Variants in HERC3 observed in about 807,000 individuals in gnomAD.
The protein encoded by HERC3 is probable E3 ubiquitin-protein ligase HERC3.
Under a neutral mutation model 129.9 loss-of-function variants are expected in HERC3, and 58 were observed. The observed-to-expected ratio is 0.45, with a 90% CI of 0.36 to 0.56. The LOEUF (loss-of-function observed/expected upper bound fraction) is 0.56, where lower values mean the gene tolerates loss of function less well. HERC3 is among the 20% of genes least tolerant of loss of function. The pLI, the probability that HERC3 is intolerant of heterozygous loss-of-function variation, is 0.00. For missense variants in HERC3, 835 were observed against 1,244.2 expected (o/e 0.67, Z 4.95); for synonymous variants, 430 against 451.0 (o/e 0.95, Z 0.59).
Position 88,699,308 on chromosome 4 carries a change from C to T in HERC3, c.2658-4790C>T, listed in dbSNP as rs1196231386. ...TCTTCCCCACCCACCCACCCAGCCC[C>T]ACCCTCTTCCTCCCCACCCACCCAC... On this transcript the variant is annotated intron_variant, in intron 23 of 25. Transcript: ENST00000402738. Among the ~76,000 whole-genome samples, 127 of 49,730 alleles carry T rather than the reference C, an allele frequency of 2.6e-3. 7 individuals carry two copies. The highest frequency in any genetic ancestry group is 0.023 in the Admixed American group (107 of 4,616). The allele number at this position is 49,730 out of a possible 152,430, so 32.6% of individuals were successfully genotyped here. A position where few individuals can be genotyped will look rare whatever the true frequency, so the allele number is the denominator to read the frequency against.
At chr4:88,594,996 G>A (rs1722185748) in intron 1 of HERC3, among the ~76,000 whole-genome samples, 1 of 151,468 alleles carries the variant, frequency 6.6e-6, no homozygotes, top group African/African-American at 2.4e-5. Context: ...CAGCTACTTG[G>A]GAGGCTGAGG....
intron 5 of HERC3, 81 bp downstream of exon 5, chr4:88,652,169 A>G (rs1160993287): frequency 3.5e-5 from 38 of 1,101,284 alleles, no homozygotes; most frequent in South Asian, 2.6e-4. Context: ...ATATTATCTA[A>G]CTGAAAACTT....
chr4:88,650,024 C>A lies in HERC3; in HGVS notation c.386+25C>A. The stretch of plus-strand genomic sequence containing the variant: ...GGTAAGAAGGTTTTCAAATGTCAGT[C>A]GTTTTAAATGCTATTTCCTGCTGTT... On this transcript the variant is annotated intron_variant, in intron 4 of 25. Transcript: ENST00000402738. The A allele has an allele frequency of 2.5e-6, 4 of 1,598,072 alleles. No individual in the cohort carries two copies. The South Asian group carries it at 4.5e-5, about 18-fold the overall frequency.
At chr4:88,651,506 A>T (rs535767121) in intron 4 of HERC3, among the ~76,000 whole-genome samples, 7 of 152,288 alleles carry the variant, frequency 4.6e-5, no homozygotes, top group African/African-American at 1.7e-4. Context: ...TGTACCTTAC[A>T]GGGTTATGGG....
intron 3 of HERC3, among the ~76,000 whole-genome samples, chr4:88,619,104 TC>T (rs1725235228): frequency 6.6e-6 from 1 of 152,206 alleles, no homozygotes. Context: ...TGCTCTGTGT[TC>T]CTTCCTGTGG....
the HERC3 span, among the ~76,000 whole-genome samples, chr4:88,562,620 T>A: frequency 6.6e-6 from 1 of 151,944 alleles, no homozygotes; most frequent in African/African-American, 2.4e-5. Flanking sequence ...TCTTGTAGTA[T>A]TTTTATAGTT....
intron 23 of HERC3, chr4:88,693,263 CT>C: frequency 1.0e-6 from 1 of 978,546 alleles, no homozygotes; most frequent in Non-Finnish European, 1.2e-6. Flanking sequence ...GATTTTGTGC[CT>C]TTAAATTTGC....
intron 18 of HERC3, among the ~76,000 whole-genome samples, chr4:88,677,761 A>G (rs1253040234): frequency 2.0e-5 from 3 of 152,180 alleles, no homozygotes; most frequent in Non-Finnish European, 4.4e-5. Flanking sequence ...AAACTGTTTT[A>G]GTTAATTTCT....
At chr4:88,558,613 A>G in the HERC3 span, among the ~76,000 whole-genome samples, 1 of 152,074 alleles carries the variant, frequency 6.6e-6, no homozygotes, top group African/African-American at 2.4e-5. Context: ...AACTTATCCA[A>G]GTAACCAAAA....
At chr4:88,691,597 C>T (rs944946325) in intron 23 of HERC3, among the ~76,000 whole-genome samples, 4 of 152,184 alleles carry the variant, frequency 2.6e-5, no homozygotes, top group Non-Finnish European at 5.9e-5. Context: ...ATGGTTACTG[C>T]TGTACTCTTT....
chr4:88,578,595 AG>A, the HERC3 span, among the ~76,000 whole-genome samples: 1 of 151,400 alleles, frequency 6.6e-6, no homozygotes, highest in Admixed American at 6.6e-5. Context: ...AAAAAAAAAA[AG>A]AAATAGTCAG....
intron 23 of HERC3, chr4:88,690,439 A>G: frequency 2.0e-6 from 2 of 985,334 alleles, no homozygotes; most frequent in Non-Finnish European, 2.4e-6. Context: ...TCTTTCAAAC[A>G]ATGTCTTAGC....
chr4:88,643,404 A>G (rs753452603), intron 3 of HERC3, among the ~76,000 whole-genome samples: 6 of 152,212 alleles, frequency 3.9e-5, no homozygotes, highest in Non-Finnish European at 7.3e-5. Flanking sequence ...TAATGTTTAT[A>G]TGGGAAGGTA....
intron 3 of HERC3, among the ~76,000 whole-genome samples, chr4:88,636,082 G>A (rs1053165248): frequency 1.8e-4 from 28 of 152,028 alleles, no homozygotes; most frequent in African/African-American, 7.2e-5. Context: ...ATGAAGAAAC[G>A]GCATCAATTA....
Position 88,677,964 on chromosome 4 carries a change from G to A in HERC3, c.2026G>A (p.Val676Met). Residue 676 changes from valine to methionine, a missense_variant and splice_region_variant, in exon 19 of 26, where the codon GTG becomes ATG. Physicochemically the swap from Val to Met is conservative, Grantham distance 21. Coordinates refer to ENST00000402738, the MANE Select transcript of HERC3 (RefSeq NM_014606.3). The part of the protein sequence containing the change: ...LQTDAELQMQ[V>M]AVNGANLQNV... ...TGCTTTCTTGACTGTGCCATTCCAG[G>A]TGGCAGTCAATGGAGCCAACCTGCA... The A allele has an allele frequency of 6.2e-7, 1 of 1,611,194 alleles. No individual in the cohort carries two copies. Among genetic ancestry groups the A allele is most frequent in the Non-Finnish European group, 8.5e-7 (1 of 1,179,922 alleles).
At chr4:88,582,187 T>A in the HERC3 span, among the ~76,000 whole-genome samples, 2 of 152,176 alleles carry the variant, frequency 1.3e-5, no homozygotes, top group Non-Finnish European at 2.9e-5. Context: ...CTAAAATGAA[T>A]AGTTTTCATT....
At chr4:88,569,770 C>A in the HERC3 span, among the ~76,000 whole-genome samples, 1 of 152,200 alleles carries the variant, frequency 6.6e-6, no homozygotes, top group Non-Finnish European at 1.5e-5. Context: ...GGGAGGATTT[C>A]CGTGTATGCA....
intron 3 of HERC3, among the ~76,000 whole-genome samples, chr4:88,622,343 C>T (rs1032653950): frequency 2.0e-5 from 3 of 152,134 alleles, no homozygotes; most frequent in African/African-American, 7.2e-5. Context: ...AAATAATATC[C>T]CATTGTATGG....
chr4:88,664,133 CCCTT>C lies in HERC3; in HGVS notation c.1272-18_1272-15del, dbSNP rs1730800981. 1 of 1,602,708 alleles carries C rather than the reference CCCTT, an allele frequency of 6.2e-7. No homozygotes were observed. Among genetic ancestry groups the C allele is most frequent in the African/African-American group, 1.3e-5 (1 of 74,318 alleles). ...TTGTAATTATTAAAGGCTTCCCCCT[CCCTT>C]CTTTTCTTTGAGCAGTGGTGTTGTT... On this transcript the variant is annotated splice_polypyrimidine_tract_variant and intron_variant, in intron 11 of 25. Coordinates refer to ENST00000402738, the MANE Select transcript of HERC3 (RefSeq NM_014606.3).
Sources: gnomAD v4.1 joint callset for allele counts (sites outside exome capture counted in the v4.1 genomes callset) on GRCh38, gnomAD v4.1.1 for gene constraint, MANE v1.5 for transcripts, NCBI Gene and HGNC (gene_info 2026-07-23, HGNC 2026-07-21) for gene names.